VAPA: variants seen among roughly 807,000 people sequenced by gnomAD.
The protein encoded by VAPA is vesicle-associated membrane protein-associated protein A.
Under a neutral mutation model 25.6 loss-of-function variants are expected in VAPA, and 6 were observed. The ratio of observed to expected loss-of-function variants is 0.23; its 90% CI spans 0.13 to 0.46. VAPA has a LOEUF of 0.46. VAPA is among the 20% of genes least tolerant of loss of function. The pLI is 0.99. For missense variants in VAPA, 244 were observed against 302.1 expected (o/e 0.81, Z 1.43); for synonymous variants, 112 against 106.2 (o/e 1.05, Z -0.34).
intron 4 of VAPA, among the ~76,000 whole-genome samples, chr18:9,940,685 T>C (rs1293898062): frequency 6.6e-6 from 1 of 152,192 alleles, no homozygotes; most frequent in Non-Finnish European, 1.5e-5. Context: ...ATGAACCAGC[T>C]GAAGTGGTGT....
chr18:9,946,768 AACACTGTACACTTAGGCT>A (rs917971189), intron 4 of VAPA, among the ~76,000 whole-genome samples: 3 of 152,232 alleles, frequency 2.0e-5, no homozygotes, highest in Admixed American at 6.5e-5. Context: ...AGACTTTATA[AACACTGTACACTTAGGCT>A]ACATTTATTA....
chr18:9,944,431 C>CT (rs1164149267), intron 4 of VAPA, among the ~76,000 whole-genome samples: 1 of 152,044 alleles, frequency 6.6e-6, no homozygotes, highest in Non-Finnish European at 1.5e-5. Context: ...TTATATGAGT[C>CT]TTTAAGTGTT....
chr18:9,938,971 T>C (rs543539242), intron 4 of VAPA, among the ~76,000 whole-genome samples: 1 of 152,280 alleles, frequency 6.6e-6, no homozygotes, highest in African/African-American at 2.4e-5. Flanking sequence ...TCTGTAACTG[T>C]TTCAATGTGT....
In VAPA at chr18:9,931,970, A is replaced by T. The variant is rs1252363736; in HGVS notation, c.232+8A>T. 1 of 1,566,022 alleles carries T rather than the reference A, an allele frequency of 6.4e-7. No homozygotes were observed. Among genetic ancestry groups the T allele is most frequent in the Non-Finnish European group, 8.7e-7 (1 of 1,153,876 alleles). On this transcript the variant is annotated splice_region_variant and intron_variant, in intron 2 of 5. Coordinates refer to ENST00000400000, the MANE Select transcript of VAPA (RefSeq NM_194434.3). The stretch of plus-strand genomic sequence containing the variant: ...CAACTGTGACTGTTTCAGGTAGCAA[A>T]TCATGTTCTGAATTTATGTACATTT...
At chr18:9,944,856 C>T (rs1056118521) in intron 4 of VAPA, 42 of 1,552,214 alleles carry the variant, frequency 2.7e-5, no homozygotes, top group Non-Finnish European at 3.5e-5. Flanking sequence ...GTCAGTCATT[C>T]CCAATATCAT....
rs74360906 is a variant in VAPA, at chr18:9,955,363, A to G, written c.*1152A>G. On this transcript the variant is annotated 3_prime_UTR_variant, in exon 6 of 6. Transcript: ENST00000400000. ...ATGAAAAATGATTTTAGCCTTTGCA[A>G]ATGTTAACCATGTGAAACACATTTT... is the stretch of plus-strand genomic sequence containing the variant. 1.6e-4 allele frequency: 24 copies of G among 152,334 alleles called. 1 individual carries two copies. The South Asian group carries it at 2.1e-3, about 13-fold the overall frequency. 9.4% of individuals were successfully genotyped at this position (152,334 alleles called of 1,614,324 possible). A position where few individuals can be genotyped will look rare whatever the true frequency, so the allele number is the denominator to read the frequency against.
chr18:9,950,106 A>C, intron 4 of VAPA: 1 of 299,074 alleles, frequency 3.3e-6, no homozygotes, highest in Non-Finnish European at 6.3e-6. Flanking sequence ...GGGTAAATAC[A>C]AAGAGAGATG....
intron 3 of VAPA, 100 bp downstream of exon 3, chr18:9,936,313 A>T: frequency 1.4e-6 from 1 of 728,190 alleles, no homozygotes; most frequent in Non-Finnish European, 2.1e-6. Flanking sequence ...ACTAAAAGTT[A>T]AATTTAGGTT....
At chr18:9,930,956 T>A (rs2069248444) in intron 1 of VAPA, among the ~76,000 whole-genome samples, 1 of 152,168 alleles carries the variant, frequency 6.6e-6, no homozygotes, top group Non-Finnish European at 1.5e-5. Context: ...TGCTTATTCT[T>A]AAGATTGAAA....
At chr18:9,922,224 C>G (rs577464798) in intron 1 of VAPA, among the ~76,000 whole-genome samples, 1 of 152,258 alleles carries the variant, frequency 6.6e-6, no homozygotes, top group African/African-American at 2.4e-5. Flanking sequence ...CCTGCCTCAG[C>G]CTCCCAAAGT....
chr18:9,937,662 CACTT>C (rs2143372737), intron 4 of VAPA, among the ~76,000 whole-genome samples: 1 of 152,270 alleles, frequency 6.6e-6, no homozygotes, highest in African/African-American at 2.4e-5. Context: ...GGGTTGTAGT[CACTT>C]ACCTTGTCCA....
chr18:9,933,083 A>AAAAC (rs764156819), intron 2 of VAPA, among the ~76,000 whole-genome samples: 4 of 152,094 alleles, frequency 2.6e-5, no homozygotes, highest in East Asian at 1.9e-4. Flanking sequence ...ACTCCGTCTC[A>AAAAC]AAACAAACAA....
chr18:9,937,865 G>A (rs2143373812), intron 4 of VAPA, among the ~76,000 whole-genome samples: 1 of 152,260 alleles, frequency 6.6e-6, no homozygotes, highest in East Asian at 1.9e-4. Context: ...CTATTGAAAA[G>A]TAAACATGCA....
chr18:9,942,062 G>A (rs529750467), intron 4 of VAPA, among the ~76,000 whole-genome samples: 1 of 152,290 alleles, frequency 6.6e-6, no homozygotes, highest in Non-Finnish European at 1.5e-5. Context: ...TAACTGCGTT[G>A]CTGGTAACAA....
At chr18:9,949,522 C>A (rs1253725362) in intron 4 of VAPA, 2 of 151,952 alleles carry the variant, frequency 1.3e-5, no homozygotes, top group Non-Finnish European at 2.9e-5. Flanking sequence ...TTGTGGAATG[C>A]CATAAAGTTG....
In VAPA at chr18:9,955,363, A is replaced by C. The variant is rs74360906; in HGVS notation, c.*1152A>C. ...ATGAAAAATGATTTTAGCCTTTGCA[A>C]ATGTTAACCATGTGAAACACATTTT... On this transcript the variant is annotated 3_prime_UTR_variant, in exon 6 of 6. Transcript: ENST00000400000. 1 of 152,216 alleles carries C rather than the reference A, an allele frequency of 6.6e-6. No homozygotes were observed. The highest frequency in any genetic ancestry group is 1.5e-5 in the Non-Finnish European group (1 of 68,032). 9.4% of individuals were successfully genotyped at this position (152,216 alleles called of 1,614,324 possible). A position where few individuals can be genotyped will look rare whatever the true frequency, so the allele number is the denominator to read the frequency against.
intron 1 of VAPA, among the ~76,000 whole-genome samples, chr18:9,927,578 C>G (rs931703194): frequency 6.7e-6 from 1 of 149,878 alleles, no homozygotes; most frequent in Non-Finnish European, 1.5e-5. Flanking sequence ...AGTCATTGTT[C>G]TGAATGGTTG....
At position 9,914,095 on chromosome 18, in the gene VAPA, G is replaced by T. The variant is rs1157221131; in HGVS notation, c.-162G>T. 7 of 553,570 alleles carry T rather than the reference G, an allele frequency of 1.3e-5. No individual in the cohort carries two copies. Among genetic ancestry groups the T allele is most frequent in the Non-Finnish European group, 2.2e-5 (7 of 321,040 alleles). 34.3% of individuals were successfully genotyped at this position (553,570 alleles called of 1,614,324 possible). A position where few individuals can be genotyped will look rare whatever the true frequency, so the allele number is the denominator to read the frequency against. On this transcript the variant is annotated 5_prime_UTR_variant, in exon 1 of 6. Coordinates refer to ENST00000400000, the MANE Select transcript of VAPA (RefSeq NM_194434.3). ...GGGACCCGGAGCTGCTGACCCAGCG[G>T]GTGGCCCACCGAACCGGTGACACAG...
intron 1 of VAPA, among the ~76,000 whole-genome samples, chr18:9,931,279 C>CTT (rs1345836370): frequency 6.6e-6 from 1 of 152,146 alleles, no homozygotes; most frequent in Non-Finnish European, 1.5e-5. Context: ...AGCTTAAAAA[C>CTT]TTTGTATCTA....
Sources: allele counts gnomAD v4.1 joint callset (sites outside exome capture counted in the v4.1 genomes callset), GRCh38; gene constraint gnomAD v4.1.1; transcripts MANE v1.5; gene names NCBI Gene and HGNC (gene_info 2026-07-23, HGNC 2026-07-21).